PCCA: variants seen among roughly 807,000 people sequenced by gnomAD.
PCCA encodes the protein propionyl-CoA carboxylase alpha chain, mitochondrial.
PCCA carries 74 observed loss-of-function variants against 101.3 expected under a neutral mutation model. The observed-to-expected ratio is 0.73, with a 90% CI of 0.61 to 0.89. PCCA has a LOEUF of 0.89. PCCA is among the 40% of genes least tolerant of loss of function. The pLI is 0.00. For missense variants in PCCA, 891 were observed against 907.0 expected (o/e 0.98, Z 0.23); for synonymous variants, 294 against 313.6 (o/e 0.94, Z 0.66).
chr13:100,118,819 G>A (rs991316805), intron 4 of PCCA, among the ~76,000 whole-genome samples: 3 of 152,058 alleles, frequency 2.0e-5, no homozygotes, highest in Non-Finnish European at 4.4e-5. Flanking sequence ...AAAGTGCTAG[G>A]ATTACAGGCG....
intron 7 of PCCA, 23 bp from the exon 8 acceptor site, chr13:100,235,819 A>C (rs770850764): frequency 6.3e-7 from 1 of 1,575,138 alleles, no homozygotes; most frequent in Non-Finnish European, 8.7e-7. Context: ...ATTAATGTTG[A>C]GTCTCATTTC....
Position 100,262,716 on chromosome 13 carries a change from CT to C in PCCA, c.717-6del. The C allele has an allele frequency of 9.8e-7, 1 of 1,018,650 alleles. No individual in the cohort carries two copies. The highest frequency in any genetic ancestry group is 1.4e-6 in the Non-Finnish European group (1 of 702,406). The allele number at this position is 1,018,650 out of a possible 1,614,324, so 63.1% of individuals were successfully genotyped here. A position where few individuals can be genotyped will look rare whatever the true frequency, so the allele number is the denominator to read the frequency against. On this transcript the variant is annotated splice_polypyrimidine_tract_variant and intron_variant, in intron 9 of 23. Transcript: ENST00000376285. ...TCTCCCCCCCTCCTCCTTCTTCCTTCTTTTTTTCACAGGGATGGTTTTAGAT... is the reference window on the plus strand; with the variant it reads ...TCTCCCCCCCTCCTCCTTCTTCCTTCTTTTTTCACAGGGATGGTTTTAGAT...
intron 6 of PCCA, among the ~76,000 whole-genome samples, chr13:100,205,614 T>C (rs1048209823): frequency 7.8e-6 from 1 of 128,710 alleles, no homozygotes; most frequent in African/African-American, 3.0e-5. Context: ...ACAAGAAAAA[T>C]CTGGTTAATC....
intron 19 of PCCA, among the ~76,000 whole-genome samples, chr13:100,383,050 A>C (rs2076316120): frequency 6.6e-6 from 1 of 152,130 alleles, no homozygotes; most frequent in South Asian, 2.1e-4. Context: ...CCTCAAAATT[A>C]TTGTATAAAT....
intron 6 of PCCA, among the ~76,000 whole-genome samples, chr13:100,186,615 G>A (rs2057289515): frequency 6.6e-6 from 1 of 151,842 alleles, no homozygotes; most frequent in East Asian, 1.9e-4. Flanking sequence ...GGTGGCACGT[G>A]CCTGTAGTCC....
At chr13:100,487,409 A>G (rs530186228) in intron 21 of PCCA, among the ~76,000 whole-genome samples, 2 of 152,336 alleles carry the variant, frequency 1.3e-5, no homozygotes, top group Non-Finnish European at 2.9e-5. Context: ...CAAGTTTCTG[A>G]CTTTAAGACT....
intron 18 of PCCA, among the ~76,000 whole-genome samples, chr13:100,350,114 A>G (rs2073081036): frequency 6.6e-6 from 1 of 152,214 alleles, no homozygotes; most frequent in Non-Finnish European, 1.5e-5. Flanking sequence ...GGTGAGAAAC[A>G]TAGAAAAAAG....
intron 19 of PCCA, among the ~76,000 whole-genome samples, chr13:100,373,768 A>G (rs2075726416): frequency 2.0e-5 from 3 of 152,246 alleles, no homozygotes; most frequent in Non-Finnish European, 4.4e-5. Context: ...GCGTTTTACC[A>G]CAAGTAAAAC....
intron 6 of PCCA, among the ~76,000 whole-genome samples, chr13:100,173,990 C>CT (rs2055982203): frequency 6.6e-6 from 1 of 152,102 alleles, no homozygotes; most frequent in African/African-American, 2.4e-5. Flanking sequence ...TCAATTAAAC[C>CT]TTTTTCTTTA....
chr13:100,123,114 T>A (rs1311506188), intron 4 of PCCA, among the ~76,000 whole-genome samples: 6 of 152,240 alleles, frequency 3.9e-5, no homozygotes, highest in Non-Finnish European at 8.8e-5. Context: ...TGGAGTGCAA[T>A]GGCACCATCT....
rs530267869 is a variant in PCCA at position 100,346,259 on chromosome 13, T to G, written c.1643+6000T>G. Among the ~76,000 whole-genome samples the G allele has an allele frequency of 4.6e-5, 7 of 152,370 alleles. No individual in the cohort carries two copies. The South Asian group carries it at 1.4e-3, about 32-fold the overall frequency. ...ACTTTCTGGGAAGGATTCACCATTC[T>G]AGATCCCCTTAAGAACATTTGTGCT... On this transcript the variant is annotated intron_variant, in intron 18 of 23. Coordinates refer to ENST00000376285, the MANE Select transcript of PCCA (RefSeq NM_000282.4).
chr13:100,517,880 T>C (rs1478310394), intron 22 of PCCA, among the ~76,000 whole-genome samples: 1 of 152,222 alleles, frequency 6.6e-6, no homozygotes, highest in African/African-American at 2.4e-5. Context: ...AGTTAAATTC[T>C]GCTTAGTGTA....
intron 21 of PCCA, among the ~76,000 whole-genome samples, chr13:100,512,006 A>G (rs1195056188): frequency 6.6e-6 from 1 of 152,164 alleles, no homozygotes; most frequent in Non-Finnish European, 1.5e-5. Flanking sequence ...GCAGGCATAC[A>G]TGCCCAGTTG....
At chr13:100,452,652 TA>T (rs1180551338) in intron 21 of PCCA, among the ~76,000 whole-genome samples, 2 of 135,276 alleles carry the variant, frequency 1.5e-5, no homozygotes, top group African/African-American at 6.7e-5. Flanking sequence ...TTTATTTATT[TA>T]TTTTTTTCAT....
intron 2 of PCCA, among the ~76,000 whole-genome samples, chr13:100,103,269 G>A (rs575269950): frequency 1.3e-5 from 2 of 151,874 alleles, no homozygotes; most frequent in East Asian, 3.9e-4. Flanking sequence ...CTGGGCATTT[G>A]AGAGATTTAA....
At chr13:100,125,550 A>G (rs1359285687) in intron 4 of PCCA, among the ~76,000 whole-genome samples, 5 of 152,206 alleles carry the variant, frequency 3.3e-5, no homozygotes, top group Admixed American at 1.3e-4. Context: ...AAAACTTGCT[A>G]TTGCTCACTT....
At chr13:100,304,577 A>G (rs997548672) in intron 14 of PCCA, among the ~76,000 whole-genome samples, 1 of 152,086 alleles carries the variant, frequency 6.6e-6, no homozygotes, top group Admixed American at 6.5e-5. Context: ...GGGAGAGGTG[A>G]ATTGAGAATG....
Position 100,159,083 on chromosome 13 carries a change from CCTTTT to C in PCCA, c.468+1744_468+1748del, listed in dbSNP as rs2054169353. Among the ~76,000 whole-genome samples the C allele has an allele frequency of 3.1e-5, 3 of 97,320 alleles. No individual in the cohort carries two copies. In the South Asian group the frequency reaches 9.9e-4, roughly 32 times the overall value. 63.8% of individuals were successfully genotyped at this position (97,320 alleles called of 152,430 possible). On this transcript the variant is annotated intron_variant, in intron 6 of 23. Coordinates refer to ENST00000376285, the MANE Select transcript of PCCA (RefSeq NM_000282.4). Reference sequence around the variant, plus strand: ...TTTTTCAGTTATTAAAAAAATGCTGCCTTTTTTTTTTTTTTTTTTTTTTTTTTTGA... The same window carrying C: ...TTTTTCAGTTATTAAAAAAATGCTGCTTTTTTTTTTTTTTTTTTTTTTTGA...
chr13:100,169,534 T>C (rs1027123925), intron 6 of PCCA, among the ~76,000 whole-genome samples: 2 of 151,954 alleles, frequency 1.3e-5, no homozygotes, highest in Non-Finnish European at 2.9e-5. Context: ...TTTTATTTTA[T>C]TATTATTTTT....
Sources: gnomAD v4.1 joint callset for allele counts (sites outside exome capture counted in the v4.1 genomes callset) on GRCh38, gnomAD v4.1.1 for gene constraint, MANE v1.5 for transcripts, NCBI Gene and HGNC (gene_info 2026-07-23, HGNC 2026-07-21) for gene names.